Variants in ITLN2 observed in about 807,000 individuals in gnomAD.
ITLN2 encodes the protein intelectin-2.
A neutral mutation model predicts 39.4 loss-of-function variants in ITLN2; 29 were observed. The observed-to-expected ratio is 0.74, with a 90% CI of 0.55 to 1.00. ITLN2 has a LOEUF of 1.00. Among genes scored for constraint, ITLN2 ranks in the 50% least tolerant of loss-of-function variants. The pLI, the probability that ITLN2 is intolerant of heterozygous loss-of-function variation, is 0.00. For synonymous variants in ITLN2, 156 were observed against 153.4 expected, an observed-to-expected ratio of 1.02 and a Z score of -0.12; for missense variants, 412 against 416.7, an observed-to-expected ratio of 0.99 and a Z score of 0.10.
At chr1:160,952,844 G>T in intron 2 of ITLN2, 111 bp from the exon 3 acceptor site, 1 of 753,050 alleles carries the variant, frequency 1.3e-6, no homozygotes, top group Non-Finnish European at 2.3e-6. Context: ...GTCCCAGGAG[G>T]TCAGGGATTC....
In ITLN2 at chr1:160,951,265, C is replaced by T; in HGVS notation, c.219G>A (p.Lys73=). The change falls in exon 4 of 8, where the codon AAG becomes AAA. Residue 73 remains lysine (K), a synonymous_variant. Coordinates refer to ENST00000368029, the MANE Select transcript of ITLN2 (RefSeq NM_080878.3). ...AGDGLYFLRT[K]NGVVYQTFCD... ...AGAAGGTCTGGTAGACAACACCATT[C>T]TTGGTGCGGAGAAAATACAGGCCAT... is the stretch of plus-strand genomic sequence containing the variant. 2 of 1,595,146 alleles carry T rather than the reference C, an allele frequency of 1.3e-6. No individual in the cohort carries two copies. Among genetic ancestry groups the T allele is most frequent in the Non-Finnish European group, 1.7e-6 (2 of 1,169,434 alleles).
chr1:160,947,499 G>T (rs986954980), intron 7 of ITLN2, among the ~76,000 whole-genome samples: 16 of 152,268 alleles, frequency 1.1e-4, no homozygotes, highest in African/African-American at 3.6e-4. Flanking sequence ...CTGGGGGATG[G>T]TAAGGTCTTT....
intron 5 of ITLN2, 146 bp from the exon 6 acceptor site, chr1:160,950,312 A>C: frequency 1.1e-6 from 1 of 946,006 alleles, no homozygotes; most frequent in Non-Finnish European, 1.6e-6. Flanking sequence ...TGTCTCCCCA[A>C]CAGCCCCAAA....
intron 7 of ITLN2, among the ~76,000 whole-genome samples, chr1:160,946,317 A>C (rs1325786629): frequency 6.6e-6 from 1 of 152,114 alleles, no homozygotes; most frequent in Non-Finnish European, 1.5e-5. Flanking sequence ...CTCTCAAAAA[A>C]TAAATAAATA....
intron 7 of ITLN2, among the ~76,000 whole-genome samples, chr1:160,946,727 A>AG (rs1201211178): frequency 8.6e-5 from 13 of 151,928 alleles, no homozygotes; most frequent in African/African-American, 2.7e-4. Flanking sequence ...AAAAAAAAAA[A>AG]GAAAGAAAAG....
At chr1:160,954,639 C>A in intron 1 of ITLN2, 88 bp downstream of exon 1, 1 of 1,508,530 alleles carries the variant, frequency 6.6e-7, no homozygotes, top group Non-Finnish European at 9.2e-7. Context: ...GCCATGGGCT[C>A]ATTTCCCTGA....
Position 160,949,908 on chromosome 1 carries a change from T to A in ITLN2, c.721+138A>T, listed in dbSNP as rs1277409635. The A allele has an allele frequency of 1.5e-5, 11 of 717,388 alleles. No individual in the cohort carries two copies. In the East Asian group the frequency reaches 2.9e-4, roughly 19 times the overall value. 44.4% of individuals were successfully genotyped at this position (717,388 alleles called of 1,614,324 possible). ...ATGGTAATTAAATGACACAAAATCA[T>A]GTTAAGTTCCAAGACAAGAGTCTGG... On this transcript the variant is annotated intron_variant, in intron 6 of 7. Transcript: ENST00000368029.
Position 160,945,209 on chromosome 1 carries a change from A to C in ITLN2, c.909T>G (p.Tyr303Ter). 1 of 1,608,220 alleles carries C rather than the reference A, an allele frequency of 6.2e-7. No individual in the cohort carries two copies. Among genetic ancestry groups the C allele is most frequent in the Non-Finnish European group, 8.5e-7 (1 of 1,178,502 alleles). ...TGCAGCTGCTCTTAACGTGAGTTCC[A>C]TATCCATCCCAGTCAAAGGCGGAGA... Reference protein sequence around the residue: ...GDFSAFDWDGYGTHVKSSCSR... With the variant: ...GDFSAFDWDG The change falls in exon 8 of 8, where the codon TAT becomes TAG. Residue 303 changes from tyrosine (Y) to a stop codon, truncating the protein, a stop_gained. Coordinates refer to ENST00000368029, the MANE Select transcript of ITLN2 (RefSeq NM_080878.3). LOFTEE classifies it high-confidence loss of function.
At chr1:160,951,436 G>T in intron 3 of ITLN2, 146 bp from the exon 4 acceptor site, 2 of 1,106,590 alleles carry the variant, frequency 1.8e-6, no homozygotes, top group South Asian at 1.7e-5. Flanking sequence ...CATGCATCTT[G>T]TGTTCTGCTC....
At position 160,952,758 on chromosome 1, in the gene ITLN2, A is replaced by G. The variant is rs780351424; in HGVS notation, c.80-25T>C. 2.6e-6 allele frequency: 4 copies of G among 1,551,332 alleles called. No homozygotes were observed. In the Admixed American group the frequency reaches 6.7e-5, roughly 26 times the overall value. On this transcript the variant is annotated intron_variant, in intron 2 of 7. Transcript: ENST00000368029. The stretch of plus-strand genomic sequence containing the variant: ...GCTAGAAAATGTGAGAATGAGTCTC[A>G]TTAGAAGTCTGACCACTGAGGCCAT...
At chr1:160,946,789 A>G (rs1176816642) in intron 7 of ITLN2, among the ~76,000 whole-genome samples, 1 of 152,154 alleles carries the variant, frequency 6.6e-6, no homozygotes, top group African/African-American at 2.4e-5. Flanking sequence ...TTCATAAGAC[A>G]TCATCAGGAG....
rs189700240 is a variant in ITLN2 at position 160,951,350 on chromosome 1, C to T, written c.194-60G>A. 73 of 1,519,712 alleles carry T rather than the reference C, an allele frequency of 4.8e-5. No homozygotes were observed. The East Asian group carries it at 5.2e-4, about 11-fold the overall frequency. 94.1% of individuals were successfully genotyped at this position (1,519,712 alleles called of 1,614,324 possible). On this transcript the variant is annotated intron_variant, in intron 3 of 7. Coordinates refer to ENST00000368029, the MANE Select transcript of ITLN2 (RefSeq NM_080878.3). The stretch of plus-strand genomic sequence containing the variant: ...GAGAGCTCAGGGTTCATCTCAGCTC[C>T]GTGAATAGAAAAGCCCTAGGAAGTC...
chr1:160,951,677 A>G (rs1246467284), intron 3 of ITLN2, among the ~76,000 whole-genome samples: 1 of 152,154 alleles, frequency 6.6e-6, no homozygotes, highest in African/African-American at 2.4e-5. Flanking sequence ...CAGCTTCCCT[A>G]AGCTCAGAGT....
intron 6 of ITLN2, among the ~76,000 whole-genome samples, chr1:160,948,437 T>G (rs991030264): frequency 1.3e-5 from 2 of 152,190 alleles, no homozygotes; most frequent in African/African-American, 4.8e-5. Flanking sequence ...TCCCTGACCA[T>G]CACCTGCTTT....
chr1:160,952,564 CT>C, intron 3 of ITLN2, 55 bp downstream of exon 3: 8 of 1,202,200 alleles, frequency 6.7e-6, no homozygotes, highest in Non-Finnish European at 9.9e-6. Context: ...TGACTGGGCT[CT>C]GTTGAGCTAA....
chr1:160,953,169 G>A (rs1570977107), intron 2 of ITLN2, among the ~76,000 whole-genome samples: 1 of 152,218 alleles, frequency 6.6e-6, no homozygotes, highest in East Asian at 1.9e-4. Flanking sequence ...GGAAAGGGGA[G>A]AGTACACCCC....
Position 160,951,254 on chromosome 1 carries a change from A to G in ITLN2, c.230T>C (p.Val77Ala). The change falls in exon 4 of 8, where the codon GTC becomes GCC. Residue 77 changes from valine (V) to alanine (A), a missense_variant. Transcript: ENST00000368029. ...LYFLRTKNGV[V>A]YQTFCDMTSG... ...AGTCATGTCACAGAAGGTCTGGTAG[A>G]CAACACCATTCTTGGTGCGGAGAAA... The G allele has an allele frequency of 6.2e-7, 1 of 1,605,228 alleles. No homozygotes were observed. The highest frequency in any genetic ancestry group is 8.5e-7 in the Non-Finnish European group (1 of 1,174,912).
intron 7 of ITLN2, among the ~76,000 whole-genome samples, chr1:160,947,453 A>G (rs1413105478): frequency 6.6e-6 from 1 of 151,718 alleles, no homozygotes; most frequent in Non-Finnish European, 1.5e-5. Context: ...CTCTTTCACT[A>G]CTCCTCCTCA....
At chr1:160,948,838 TG>T (rs1186017267) in intron 6 of ITLN2, 2 of 152,170 alleles carry the variant, frequency 1.3e-5, no homozygotes, top group African/African-American at 4.8e-5. Context: ...AGGGGTGGCC[TG>T]CCCCTCCACA....
Sources: allele counts gnomAD v4.1 joint callset (sites outside exome capture counted in the v4.1 genomes callset), GRCh38; gene constraint gnomAD v4.1.1; transcripts MANE v1.5; gene names NCBI Gene and HGNC (gene_info 2026-07-23, HGNC 2026-07-21).